The following FHIT variants were observed in gnomAD, a reference collection of about 807,000 sequenced individuals.
FHIT encodes the protein bis(5'-adenosyl)-triphosphatase.
In FHIT, 19 loss-of-function variants were observed where a neutral mutation model predicts 17.9. That is an observed-to-expected ratio of 1.06 (90% CI 0.74 to 1.56). The LOEUF (loss-of-function observed/expected upper bound fraction) is 1.56, where lower values mean the gene tolerates loss of function less well. Ranked by LOEUF, FHIT falls within the 40% of genes most tolerant of loss-of-function variation. The pLI is 0.00. For synonymous variants in FHIT, 81 were observed against 69.7 expected, an observed-to-expected ratio of 1.16 and a Z score of -0.81; for missense variants, 248 against 189.2, an observed-to-expected ratio of 1.31 and a Z score of -1.82.
chr3:59,908,850 T>TTTTTTTTTTTTTTTTTTTTG lies in FHIT; in HGVS notation c.348+13495_348+13496insCAAAAAAAAAAAAAAAAAAA, dbSNP rs1553712872. ...TGGGAGTCAAGAACATTTCATTTTTTAATAGTCCAACTGGTGACTGTGAAA... is the reference window on the plus strand; with the variant it reads ...TGGGAGTCAAGAACATTTCATTTTTTTTTTTTTTTTTTTTTTTTTGAATAGTCCAACTGGTGACTGTGAAA... On this transcript the variant is annotated intron_variant, in intron 8 of 9. Coordinates refer to ENST00000492590, the MANE Select transcript of FHIT (RefSeq NM_002012.4). 9.0e-4 allele frequency among the ~76,000 whole-genome samples: 135 copies of TTTTTTTTTTTTTTTTTTTTG among 150,092 alleles called. 2 individuals are homozygous for TTTTTTTTTTTTTTTTTTTTG. Among genetic ancestry groups the TTTTTTTTTTTTTTTTTTTTG allele is most frequent in the Middle Eastern group, 3.4e-3 (1 of 290 alleles).
chr3:60,341,641 T>A (rs1710521566), intron 5 of FHIT, among the ~76,000 whole-genome samples: 1 of 152,190 alleles, frequency 6.6e-6, no homozygotes, highest in Non-Finnish European at 1.5e-5. Context: ...TATATGCTTA[T>A]CTCTGAGAAG....
chr3:60,891,800 C>T (rs1705528415), intron 3 of FHIT, among the ~76,000 whole-genome samples: 1 of 152,066 alleles, frequency 6.6e-6, no homozygotes, highest in African/African-American at 2.4e-5. Flanking sequence ...AGCCATAGAT[C>T]AGAAAGTACC....
At chr3:60,457,137 A>G (rs2032149882) in intron 5 of FHIT, among the ~76,000 whole-genome samples, 1 of 152,194 alleles carries the variant, frequency 6.6e-6, no homozygotes, top group African/African-American at 2.4e-5. Flanking sequence ...ATCCTAAGCC[A>G]AAAGAACAAA....
intron 8 of FHIT, among the ~76,000 whole-genome samples, chr3:59,821,109 C>A (rs574446522): frequency 2.6e-5 from 4 of 152,074 alleles, no homozygotes; most frequent in Non-Finnish European, 5.9e-5. Flanking sequence ...CAAGCTTGAG[C>A]GCCACCATCT....
intron 5 of FHIT, among the ~76,000 whole-genome samples, chr3:60,319,926 A>G (rs529675132): frequency 5.0e-4 from 76 of 152,230 alleles, no homozygotes; most frequent in African/African-American, 1.8e-3. Flanking sequence ...AGGAAGAAAA[A>G]CAGGAAAACG....
chr3:61,202,250 C>T (rs908131758), intron 1 of FHIT, among the ~76,000 whole-genome samples: 10 of 151,100 alleles, frequency 6.6e-5, no homozygotes, highest in South Asian at 2.1e-4. Context: ...TCTGCCCGGC[C>T]GCCCAACTAT....
rs1486079684 is a variant in FHIT at position 60,130,984 on chromosome 3, CATATATACACATATATACATATGTGT to C, written c.104-116858_104-116833del. ...ACCAGTAGAAAGGTATATATATACACATATATACACATATATACATATGTGTATATATACACATATATACATATGTG... is the reference window on the plus strand; with the variant it reads ...ACCAGTAGAAAGGTATATATATACACATATATACACATATATACATATGTG... On this transcript the variant is annotated intron_variant, in intron 5 of 9. Transcript: ENST00000492590. Among the ~76,000 whole-genome samples the C allele has an allele frequency of 9.9e-3, 895 of 90,052 alleles. 12 individuals carry two copies. The highest frequency in any genetic ancestry group is 0.027 in the African/African-American group (718 of 26,712). The allele number at this position is 90,052 out of a possible 152,430, so 59.1% of individuals were successfully genotyped here.
intron 4 of FHIT, among the ~76,000 whole-genome samples, chr3:60,755,562 C>T (rs1317874604): frequency 6.6e-6 from 1 of 152,064 alleles, no homozygotes; most frequent in Non-Finnish European, 1.5e-5. Context: ...CAAGCTTGTG[C>T]CATTTATCAG....
intron 3 of FHIT, among the ~76,000 whole-genome samples, chr3:60,823,966 G>A (rs1702026864): frequency 6.6e-6 from 1 of 152,174 alleles, no homozygotes; most frequent in Non-Finnish European, 1.5e-5. Flanking sequence ...AGTATGGCTG[G>A]AATAGCCAGG....
chr3:61,092,538 T>C (rs1283326150), intron 2 of FHIT, among the ~76,000 whole-genome samples: 1 of 152,054 alleles, frequency 6.6e-6, no homozygotes, highest in Non-Finnish European at 1.5e-5. Context: ...TGACAATAAA[T>C]TATTTTGTTA....
intron 2 of FHIT, among the ~76,000 whole-genome samples, chr3:61,118,413 C>T (rs1382886954): frequency 9.7e-6 from 1 of 103,618 alleles, no homozygotes; most frequent in Non-Finnish European, 2.2e-5. Context: ...GGAGCTGTAA[C>T]GAAAGACAAT....
chr3:60,686,767 C>T (rs1003332590), intron 4 of FHIT, among the ~76,000 whole-genome samples: 3 of 152,106 alleles, frequency 2.0e-5, no homozygotes, highest in Non-Finnish European at 2.9e-5. Flanking sequence ...AAACTCTGTC[C>T]CCTGGTTCAT....
intron 7 of FHIT, among the ~76,000 whole-genome samples, chr3:59,923,678 T>C (rs984824357): frequency 6.6e-6 from 1 of 152,160 alleles, no homozygotes; most frequent in Admixed American, 6.5e-5. Flanking sequence ...AGAGCTTAAA[T>C]AGAGAGAGGC....
intron 4 of FHIT, among the ~76,000 whole-genome samples, chr3:60,803,917 T>C (rs1701290444): frequency 6.6e-6 from 1 of 152,188 alleles, no homozygotes; most frequent in Non-Finnish European, 1.5e-5. Flanking sequence ...AACTTGCTTT[T>C]ATTTAAAGAC....
intron 7 of FHIT, among the ~76,000 whole-genome samples, chr3:59,996,631 G>C (rs1178380666): frequency 1.3e-5 from 2 of 151,948 alleles, no homozygotes; most frequent in Non-Finnish European, 2.9e-5. Flanking sequence ...AGAGTCCAAA[G>C]GGCTCCAGAC....
At chr3:59,763,358 A>C (rs894746309) in intron 8 of FHIT, among the ~76,000 whole-genome samples, 1 of 152,234 alleles carries the variant, frequency 6.6e-6, no homozygotes, top group Non-Finnish European at 1.5e-5. Context: ...ACAGCACGCA[A>C]CCAATAATGC....
At chr3:61,094,735 A>G (rs1272454690) in intron 2 of FHIT, among the ~76,000 whole-genome samples, 1 of 152,204 alleles carries the variant, frequency 6.6e-6, no homozygotes, top group Non-Finnish European at 1.5e-5. Context: ...GAACACAAGC[A>G]CCATGATACC....
intron 5 of FHIT, among the ~76,000 whole-genome samples, chr3:60,086,524 C>T (rs1703500145): frequency 1.3e-5 from 2 of 152,088 alleles, no homozygotes; most frequent in East Asian, 3.9e-4. Flanking sequence ...AGCTATGAGC[C>T]TATAGGATCA....
At chr3:59,875,938 TAAAAAA>T (rs200571248) in intron 8 of FHIT, among the ~76,000 whole-genome samples, 1 of 129,306 alleles carries the variant, frequency 7.7e-6, no homozygotes, top group African/African-American at 3.0e-5. Flanking sequence ...GTCTGTTTGA[TAAAAAA>T]AGAAAAAAAA....
Sources: gnomAD v4.1 joint callset for allele counts (sites outside exome capture counted in the v4.1 genomes callset) on GRCh38, gnomAD v4.1.1 for gene constraint, MANE v1.5 for transcripts, NCBI Gene and HGNC (gene_info 2026-07-23, HGNC 2026-07-21) for gene names.